The following COL6A3 variants were observed in gnomAD, a reference collection of about 807,000 sequenced individuals.
COL6A3 encodes collagen alpha-3(VI) chain.
Under a neutral mutation model 274.1 loss-of-function variants are expected in COL6A3, and 137 were observed. The observed-to-expected ratio is 0.50, with a 90% confidence interval of 0.44 to 0.58. The LOEUF (loss-of-function observed/expected upper bound fraction) is 0.58. Ranked by LOEUF, COL6A3 falls within the 20% of genes least tolerant of loss-of-function variation. The probability of loss-of-function intolerance (pLI) is 0.00; values close to 1 mark genes in which losing one functional copy is unlikely to be tolerated. For missense variants in COL6A3, 3,950 were observed against 4,124.9 expected (o/e 0.96, Z 1.16); for synonymous variants, 1,650 against 1,650.6 (o/e 1.00, Z 0.01).
At position 237,388,204 on chromosome 2, in the gene COL6A3, A is replaced by G; in HGVS notation, c.710-20T>C. The stretch of plus-strand genomic sequence containing the variant: ...CTTGTGCTTTAAAAGAAAGAAATGC[A>G]AAAAATGTGAAAGCATTAGAACAAG... On this transcript the variant is annotated intron_variant, in intron 3 of 43. Coordinates refer to ENST00000295550, the MANE Select transcript of COL6A3 (RefSeq NM_004369.4). 3 of 1,613,496 alleles carry G rather than the reference A, an allele frequency of 1.9e-6. No homozygotes were observed. The highest frequency in any genetic ancestry group is 2.2e-5 in the East Asian group (1 of 44,892).
Position 237,395,002 on chromosome 2 carries a change from A to G in COL6A3, c.294T>C (p.Thr98=), listed in dbSNP as rs2078396188. ...HTEFLLNTYR[T]KQEVLSHISN... is the part of the protein sequence containing the mutation. The stretch of plus-strand genomic sequence containing the variant: ...AAATATGAGAAAGGACTTCTTGTTT[A>G]GTACGATACGTATTTAACAGGAACT... Residue 98 remains threonine (T), a synonymous_variant, in exon 3 of 44, where the codon ACT becomes ACC. Coordinates refer to ENST00000295550, the MANE Select transcript of COL6A3 (RefSeq NM_004369.4). 1.2e-6 allele frequency: 2 copies of G among 1,614,110 alleles called. No homozygotes were observed. The highest frequency in any genetic ancestry group is 1.3e-5 in the African/African-American group (1 of 74,944).
At chr2:237,406,277 A>G (rs536395876) in intron 1 of COL6A3, among the ~76,000 whole-genome samples, 172 of 152,278 alleles carry the variant, frequency 1.1e-3, no homozygotes, top group African/African-American at 3.9e-3. Context: ...CCATGTCTGG[A>G]AATCTTTTTT....
Position 237,359,075 on chromosome 2 carries a change from A to G in COL6A3, c.6368T>C (p.Leu2123Ser), listed in dbSNP as rs1482422103. 4.3e-6 allele frequency: 7 copies of G among 1,614,038 alleles called. No homozygotes were observed. Among genetic ancestry groups the G allele is most frequent in the Non-Finnish European group, 5.9e-6 (7 of 1,179,984 alleles). Residue 2123 changes from leucine (L) to serine (S), a missense_variant, in exon 20 of 44, where the codon TTG (leucine) becomes TCG (serine). Leu to Ser is a moderately radical substitution (Grantham distance 145). Coordinates refer to ENST00000295550, the MANE Select transcript of COL6A3 (RefSeq NM_004369.4). ...GLDGEDGDKGLPGSSGEKGNP... is the reference protein window; with the variant it reads ...GLDGEDGDKGSPGSSGEKGNP... The stretch of plus-strand genomic sequence containing the variant: ...CCCTTTCTCTCCAGAAGAACCAGGC[A>G]ATCCTTTGTCTCCCTGCCAAAGACA...
intron 3 of COL6A3, among the ~76,000 whole-genome samples, chr2:237,390,716 C>T (rs1228755990): frequency 2.6e-5 from 4 of 152,136 alleles, no homozygotes; most frequent in Admixed American, 1.3e-4. Flanking sequence ...TGTGATGCCT[C>T]CTTTCATTAA....
At chr2:237,372,612 A>G (rs923444587) in intron 8 of COL6A3, among the ~76,000 whole-genome samples, 1 of 152,236 alleles carries the variant, frequency 6.6e-6, no homozygotes, top group African/African-American at 2.4e-5. Flanking sequence ...CCTGCACTGC[A>G]TCAGGTGCTG....
chr2:237,375,092 C>T, intron 7 of COL6A3, 72 bp from the exon 8 acceptor site: 2 of 1,597,800 alleles, frequency 1.3e-6, no homozygotes, highest in Admixed American at 1.7e-5. Flanking sequence ...AGGTGGGCTG[C>T]ATAAGAGCAT....
rs1316305394 is a variant in COL6A3, at chr2:237,361,801, C to T, written c.6094G>A (p.Val2032Ile). 1 of 1,614,158 alleles carries T rather than the reference C, an allele frequency of 6.2e-7. No individual in the cohort carries two copies. The highest frequency in any genetic ancestry group is 2.2e-5 in the East Asian group (1 of 44,880). Residue 2032 changes from valine (V) to isoleucine (I), a missense_variant, in exon 15 of 44, where the codon GTT (valine) becomes ATT (isoleucine). Around this residue, in one of 5 missense-constraint regions of COL6A3, gnomAD observed 92 missense variants for 143.4 expected, o/e 0.64. Transcript: ENST00000295550. This position sits in a 1 kb window ranked among gnomAD's most constrained non-coding sequence, Gnocchi z 5.1. ...DNIAEKACCG[V>I]PCKCSGQRGD... ...CTCTGCCCAGAGCACTTGCAGGGAA[C>T]CCCACAGCAAGCTTTCTCGGCAATG...
intron 21 of COL6A3, 114 bp from the exon 22 acceptor site, chr2:237,357,996 C>T: frequency 1.0e-6 from 1 of 989,866 alleles, no homozygotes; most frequent in South Asian, 1.3e-5. Flanking sequence ...CTTCGAGGGA[C>T]AAGCCCTTCG....
intron 32 of COL6A3, among the ~76,000 whole-genome samples, chr2:237,345,684 C>T (rs907316425): frequency 2.0e-5 from 3 of 152,312 alleles, no homozygotes; most frequent in Non-Finnish European, 4.4e-5. Context: ...GTGTCCCATG[C>T]CTAAACCTCA....
chr2:237,398,108 A>G (rs1479570168), intron 1 of COL6A3, among the ~76,000 whole-genome samples: 1 of 152,236 alleles, frequency 6.6e-6, no homozygotes, highest in Non-Finnish European at 1.5e-5. Context: ...ACCCAACCAC[A>G]GCAGCTGGGA....
At chr2:237,359,536 T>G (rs1219516577) in intron 17 of COL6A3, 148 bp from the exon 18 acceptor site, 1 of 884,608 alleles carries the variant, frequency 1.1e-6, no homozygotes, top group Non-Finnish European at 1.9e-6. Context: ...CCCCTTTGGA[T>G]TCCTCTCTCA....
At position 237,388,197 on chromosome 2, in the gene COL6A3, GA is replaced by G; in HGVS notation, c.710-14del. 6.2e-7 allele frequency: 1 copy of G among 1,613,600 alleles called. No individual in the cohort carries two copies. On this transcript the variant is annotated splice_polypyrimidine_tract_variant and intron_variant, in intron 3 of 43. Transcript: ENST00000295550. ...GCAGAGTCTTGTGCTTTAAAAGAAA[GA>G]AATGCAAAAAATGTGAAAGCATTAG...
intron 42 of COL6A3, among the ~76,000 whole-genome samples, chr2:237,332,117 A>ATATATATATATATTATATATATATG (rs35490728): frequency 1.6e-5 from 1 of 64,170 alleles, no homozygotes; most frequent in Non-Finnish European, 3.2e-5. Context: ...ATATATATAT[A>ATATATATATATATTATATATATATG]TGAAAAGAAA....
chr2:237,384,138 C>T (rs1413400457), intron 4 of COL6A3, among the ~76,000 whole-genome samples: 1 of 152,112 alleles, frequency 6.6e-6, no homozygotes, highest in Non-Finnish European at 1.5e-5. Flanking sequence ...ACGCAATTCA[C>T]CTAGGCTTTG....
intron 41 of COL6A3, 28 bp downstream of exon 41, chr2:237,334,598 T>C (rs1700433708): frequency 1.9e-6 from 3 of 1,611,332 alleles, no homozygotes; most frequent in East Asian, 2.2e-5. Context: ...AGAAATCAGG[T>C]ACCGACTTGT....
Position 237,325,542 on chromosome 2 carries a change from C to T in COL6A3, c.9493+18G>A. On this transcript the variant is annotated intron_variant, in intron 43 of 43. Transcript: ENST00000295550. ...CTCTTATTTGCAGAAGCCATAAACA[C>T]AAGGAAGAATCACTTACCAGGAGCG... 6.2e-7 allele frequency: 1 copy of T among 1,614,060 alleles called. No homozygotes were observed. Among genetic ancestry groups the T allele is most frequent in the South Asian group, 1.1e-5 (1 of 91,084 alleles).
chr2:237,366,988 A>C lies in COL6A3; in HGVS notation c.5199T>G (p.Pro1733=). The C allele has an allele frequency of 1.9e-6, 3 of 1,614,254 alleles. No homozygotes were observed. The highest frequency in any genetic ancestry group is 2.5e-6 in the Non-Finnish European group (3 of 1,180,042). The change falls in exon 11 of 44, where the codon CCT becomes CCG. Residue 1733 remains proline (P), a synonymous_variant. Coordinates refer to ENST00000295550, the MANE Select transcript of COL6A3 (RefSeq NM_004369.4). ...GCTGGTCCAGGCGGCTGCCTGCCTC[A>C]GGCACAAAGTGGTTTACCCGCAGGT... The part of the protein sequence containing the change: ...LEHLRVNHFV[P]EAGSRLDQRV...
chr2:237,370,094 C>T (rs1458660718), intron 9 of COL6A3, among the ~76,000 whole-genome samples: 1 of 150,984 alleles, frequency 6.6e-6, no homozygotes, highest in Non-Finnish European at 1.5e-5. Flanking sequence ...ACTCCTGGGC[C>T]CAAGTGATCC....
intron 13 of COL6A3, among the ~76,000 whole-genome samples, chr2:237,363,921 C>A (rs542509022): frequency 6.6e-6 from 1 of 152,148 alleles, no homozygotes; most frequent in Non-Finnish European, 1.5e-5. Context: ...ATGTTTGGTA[C>A]GTCATTGCTT....
Sources: gnomAD v4.1 joint callset for allele counts (sites outside exome capture counted in the v4.1 genomes callset) on GRCh38, gnomAD v4.1.1 for gene constraint, gnomAD v4.1.1 regional missense constraint, Gnocchi (gnomAD v3.1) non-coding constraint, MANE v1.5 for transcripts, NCBI Gene and HGNC (gene_info 2026-07-23, HGNC 2026-07-21) for gene names.